GAD1: variants seen among roughly 807,000 people sequenced by gnomAD.
The protein encoded by GAD1 is glutamate decarboxylase 1, also known as 67 kDa glutamic acid decarboxylase.
A neutral mutation model predicts 75.2 loss-of-function variants in GAD1; 35 were observed. That is an observed-to-expected ratio of 0.47 (90% confidence interval 0.36 to 0.62). The LOEUF (loss-of-function observed/expected upper bound fraction) is 0.62, where lower values mean the gene tolerates loss of function less well. Among genes scored for constraint, GAD1 ranks in the 20% least tolerant of loss-of-function variants. The pLI is 0.00. For missense variants in GAD1, 490 were observed against 758.5 expected, an observed-to-expected ratio of 0.65 and a Z score of 4.16; for synonymous variants, 257 against 271.9, an observed-to-expected ratio of 0.95 and a Z score of 0.54.
At chr2:170,838,260 C>T (rs185949691) in intron 6 of GAD1, among the ~76,000 whole-genome samples, 1 of 152,218 alleles carries the variant, frequency 6.6e-6, no homozygotes, top group African/African-American at 2.4e-5. Context: ...TTTGGAAGAG[C>T]CAAGAGGAAT....
At chr2:170,830,771 A>C (rs988123700) in intron 4 of GAD1, among the ~76,000 whole-genome samples, 179 bp from the exon 5 acceptor site, 11 of 152,218 alleles carry the variant, frequency 7.2e-5, no homozygotes, top group African/African-American at 2.7e-4. Flanking sequence ...AAGCATGTGC[A>C]AAACTTCTGT....
At chr2:170,822,647 C>G (rs1425866625) in intron 3 of GAD1, among the ~76,000 whole-genome samples, 1 of 152,280 alleles carries the variant, frequency 6.6e-6, no homozygotes, top group Admixed American at 6.5e-5. Context: ...CTCACTCGCA[C>G]CTCCACCCGC....
Position 170,818,585 on chromosome 2 carries a change from C to G in GAD1, c.-7C>G, listed in dbSNP as rs748025421. Reference sequence around the variant, plus strand: ...TGGACAGTAGAGGCCCCGGGACGACCGAGCTGATGGCGTCTTCGACCCCAT... The same window carrying G: ...TGGACAGTAGAGGCCCCGGGACGACGGAGCTGATGGCGTCTTCGACCCCAT... On this transcript the variant is annotated 5_prime_UTR_variant, in exon 2 of 17. Transcript: ENST00000358196. The surrounding 1 kb of genome is among the most constrained non-coding windows in gnomAD (Gnocchi z 5.9). The G allele has an allele frequency of 2.5e-6, 4 of 1,614,040 alleles. No individual in the cohort carries two copies. Among genetic ancestry groups the G allele is most frequent in the Non-Finnish European group, 3.4e-6 (4 of 1,179,910 alleles).
At chr2:170,841,572 A>T (rs755784729) in intron 6 of GAD1, among the ~76,000 whole-genome samples, 1 of 152,230 alleles carries the variant, frequency 6.6e-6, no homozygotes, top group Non-Finnish European at 1.5e-5. Context: ...AAAATAAGAA[A>T]TTTTTAAAAA....
At chr2:170,826,264 A>G (rs2105765822) in intron 3 of GAD1, among the ~76,000 whole-genome samples, 1 of 152,226 alleles carries the variant, frequency 6.6e-6, no homozygotes, top group South Asian at 2.1e-4. Context: ...AATGGGATGC[A>G]GGTTTAAAGC....
At chr2:170,827,107 T>C (rs1575427486) in intron 3 of GAD1, among the ~76,000 whole-genome samples, 1 of 152,182 alleles carries the variant, frequency 6.6e-6, no homozygotes, top group East Asian at 1.9e-4. Flanking sequence ...TTGGTGGCTC[T>C]GCTTTCCCCT....
upstream of GAD1, among the ~76,000 whole-genome samples, chr2:170,814,432 T>G (rs1701661078): frequency 6.6e-6 from 1 of 152,166 alleles, no homozygotes; most frequent in South Asian, 2.1e-4. Flanking sequence ...ATTCCAGGCC[T>G]TCAATTCATT....
rs1469336192 is a variant in GAD1 at position 170,818,753 on chromosome 2, G to C, written c.82+80G>C. ...GGGACGTCGGGAGGCTGAGCTGGCG[G>C]AAAGGGAAGGGGGAGCGCGGAGATA... On this transcript the variant is annotated intron_variant, in intron 2 of 16. Coordinates refer to ENST00000358196, the MANE Select transcript of GAD1 (RefSeq NM_000817.3). This position sits in a 1 kb window ranked among gnomAD's most constrained non-coding sequence, Gnocchi z 5.9. The C allele has an allele frequency of 8.9e-6, 12 of 1,351,480 alleles. No homozygotes were observed. The highest frequency in any genetic ancestry group is 1.3e-5 in the Non-Finnish European group (12 of 940,894). 83.7% of individuals were successfully genotyped at this position (1,351,480 alleles called of 1,614,324 possible). A position where few individuals can be genotyped will look rare whatever the true frequency, so the allele number is the denominator to read the frequency against.
At chr2:170,821,013 T>G (rs111520580) in intron 2 of GAD1, among the ~76,000 whole-genome samples, 1 of 152,244 alleles carries the variant, frequency 6.6e-6, no homozygotes, top group Non-Finnish European at 1.5e-5. Flanking sequence ...CTGTGACATG[T>G]CTTACCGACG....
chr2:170,846,017 T>C lies in GAD1; in HGVS notation c.956T>C (p.Ile319Thr). 6.2e-7 allele frequency: 1 copy of C among 1,613,584 alleles called. No homozygotes were observed. The highest frequency in any genetic ancestry group is 8.5e-7 in the Non-Finnish European group (1 of 1,179,504). ...ILIKCNERGK[I>T]IPADFEAKIL... ...TTTTCCAATAATTATAGGGGGAAAA[T>C]AATTCCAGCTGATTTTGAGGCAAAA... The change falls in exon 10 of 17, where the codon ATA (isoleucine) becomes ACA (threonine). Residue 319 changes from isoleucine (I) to threonine (T), a missense_variant. Coordinates refer to ENST00000358196, the MANE Select transcript of GAD1 (RefSeq NM_000817.3).
At chr2:170,822,668 C>G (rs1488137181) in intron 3 of GAD1, among the ~76,000 whole-genome samples, 1 of 152,256 alleles carries the variant, frequency 6.6e-6, no homozygotes, top group Non-Finnish European at 1.5e-5. Context: ...GCAGTCGGGT[C>G]GCATTGAAAG....
chr2:170,838,233 A>G (rs745803941), intron 6 of GAD1, among the ~76,000 whole-genome samples: 1 of 152,228 alleles, frequency 6.6e-6, no homozygotes, highest in African/African-American at 2.4e-5. Flanking sequence ...CAGACTGTCC[A>G]TGTTGGGTCA....
intron 14 of GAD1, among the ~76,000 whole-genome samples, chr2:170,855,872 C>CAAAAA (rs71008727): frequency 6.3e-5 from 7 of 111,660 alleles, no homozygotes; most frequent in East Asian, 2.7e-4. Flanking sequence ...GACTCCATCT[C>CAAAAA]AAAAAAAAAA....
chr2:170,815,123 C>T (rs1701671745), upstream of GAD1, among the ~76,000 whole-genome samples: 2 of 152,070 alleles, frequency 1.3e-5, no homozygotes, highest in African/African-American at 4.8e-5. Context: ...CTAGGAGGGC[C>T]GGTGGATGGA....
chr2:170,842,444 A>G lies in GAD1; in HGVS notation c.639-1601A>G, dbSNP rs573142614. On this transcript the variant is annotated intron_variant, in intron 6 of 16. Transcript: ENST00000358196. ...TTTTGTCATGTCAACATTTCCAAAA[A>G]CCAGTGGAACCATTAATAACACATT... 103 of 921,022 alleles carry G rather than the reference A, an allele frequency of 1.1e-4. 1 individual carries two copies. The South Asian group carries it at 1.3e-3, about 12-fold the overall frequency. The allele number at this position is 921,022 out of a possible 1,614,324, so 57.1% of individuals were successfully genotyped here.
chr2:170,826,805 G>A (rs1248428219), intron 3 of GAD1, among the ~76,000 whole-genome samples: 1 of 152,130 alleles, frequency 6.6e-6, no homozygotes, highest in African/African-American at 2.4e-5. Flanking sequence ...ACATGGGTTT[G>A]GTCTTTCAAG....
Position 170,846,023 on chromosome 2 carries a change from C to T in GAD1, c.962C>T (p.Pro321Leu), listed in dbSNP as rs775306074. The part of the protein sequence containing the change: ...IKCNERGKII[P>L]ADFEAKILEA... ...AATAATTATAGGGGGAAAATAATTC[C>T]AGCTGATTTTGAGGCAAAAATTCTT... is the stretch of plus-strand genomic sequence containing the variant. The change falls in exon 10 of 17, where the codon CCA (proline) becomes CTA (leucine). Residue 321 changes from proline to leucine, a missense_variant. By Grantham distance (98) the Pro-to-Leu change is moderately conservative (BLOSUM62 -3). This residue lies in a region of GAD1 where 324 missense variants were observed against 523.9 expected (regional missense o/e 0.62). Transcript: ENST00000358196. 1.2e-6 allele frequency: 2 copies of T among 1,613,378 alleles called. No homozygotes were observed. Among genetic ancestry groups the T allele is most frequent in the Admixed American group, 3.3e-5 (2 of 60,002 alleles).
intron 5 of GAD1, among the ~76,000 whole-genome samples, chr2:170,832,664 GCA>G (rs3049892): frequency 2.1e-3 from 166 of 78,962 alleles, no homozygotes; most frequent in Non-Finnish European, 2.3e-3. Flanking sequence ...GCGCGCGCGC[GCA>G]CACACACACA....
chr2:170,836,936 T>C (rs935099869), intron 6 of GAD1, 53 bp downstream of exon 6: 19 of 1,308,278 alleles, frequency 1.5e-5, no homozygotes, highest in African/African-American at 2.9e-5. Context: ...CTATGGCTTG[T>C]TGCTTTAAAA....
Sources: gnomAD v4.1 joint callset for allele counts (sites outside exome capture counted in the v4.1 genomes callset) on GRCh38, gnomAD v4.1.1 for gene constraint, gnomAD v4.1.1 regional missense constraint, Gnocchi (gnomAD v3.1) non-coding constraint, MANE v1.5 for transcripts, NCBI Gene and HGNC (gene_info 2026-07-23, HGNC 2026-07-21) for gene names.